FHIT: variants seen among roughly 807,000 people sequenced by gnomAD.
FHIT encodes the protein bis(5'-adenosyl)-triphosphatase.
In FHIT, 19 loss-of-function variants were observed where a neutral mutation model predicts 17.9. The ratio of observed to expected loss-of-function variants is 1.06; its 90% CI spans 0.74 to 1.56. The LOEUF (loss-of-function observed/expected upper bound fraction) is 1.56. FHIT is among the 40% of genes most tolerant of loss of function. The pLI is 0.00. For synonymous variants in FHIT, 81 were observed against 69.7 expected (o/e 1.16, Z -0.81); for missense variants, 248 against 189.2 (o/e 1.31, Z -1.82).
intron 8 of FHIT, among the ~76,000 whole-genome samples, chr3:59,899,764 T>A (rs554139452): frequency 6.6e-5 from 10 of 152,206 alleles, no homozygotes; most frequent in African/African-American, 1.9e-4. Flanking sequence ...GAGAACTGCT[T>A]GAACCCGGGA....
chr3:60,025,922 T>C (rs147215545), intron 5 of FHIT, among the ~76,000 whole-genome samples: 218 of 152,292 alleles, frequency 1.4e-3, no homozygotes, highest in African/African-American at 4.4e-3. Flanking sequence ...AGCAATGAAC[T>C]GTACTGCCAG....
chr3:60,434,366 T>C (rs2107306497), intron 5 of FHIT, among the ~76,000 whole-genome samples: 1 of 152,226 alleles, frequency 6.6e-6, no homozygotes, highest in African/African-American at 2.4e-5. Context: ...TCAGCAGGAA[T>C]AAAAAGTACA....
At chr3:60,326,898 G>A (rs1251480063) in intron 5 of FHIT, among the ~76,000 whole-genome samples, 2 of 152,172 alleles carry the variant, frequency 1.3e-5, no homozygotes, top group Non-Finnish European at 2.9e-5. Flanking sequence ...CATGATCACA[G>A]TAATCGAAAA....
intron 4 of FHIT, among the ~76,000 whole-genome samples, chr3:60,603,034 C>G (rs967506015): frequency 6.6e-6 from 1 of 152,130 alleles, no homozygotes; most frequent in Non-Finnish European, 1.5e-5. Context: ...GCAGCCCAAA[C>G]AGACTAGGAC....
At chr3:60,954,182 C>T (rs1205422335) in intron 3 of FHIT, among the ~76,000 whole-genome samples, 1 of 152,198 alleles carries the variant, frequency 6.6e-6, no homozygotes, top group Non-Finnish European at 1.5e-5. Context: ...GCTAAAATGA[C>T]TCAATCCAGA....
chr3:60,455,754 A>C (rs12629710), intron 5 of FHIT, among the ~76,000 whole-genome samples: 10,099 of 152,138 alleles, frequency 0.066, 793 homozygotes, highest in East Asian at 0.38. Context: ...TCCCTGCTTG[A>C]TTTGTGGTAG....
chr3:60,032,314 T>C (rs1441353471), intron 5 of FHIT, among the ~76,000 whole-genome samples: 1 of 152,010 alleles, frequency 6.6e-6, no homozygotes, highest in Non-Finnish European at 1.5e-5. Flanking sequence ...TAGCTGGGCA[T>C]AGTGGCGTGC....
intron 5 of FHIT, among the ~76,000 whole-genome samples, chr3:60,346,426 G>T (rs979274839): frequency 6.6e-6 from 1 of 152,168 alleles, no homozygotes; most frequent in Non-Finnish European, 1.5e-5. Context: ...AAAGCAGACT[G>T]GAGCCAGATA....
intron 4 of FHIT, among the ~76,000 whole-genome samples, chr3:60,739,288 G>C (rs979277976): frequency 6.6e-6 from 1 of 152,204 alleles, no homozygotes; most frequent in African/African-American, 2.4e-5. Context: ...AAGGCAGAGG[G>C]AGCACTGAGC....
intron 7 of FHIT, among the ~76,000 whole-genome samples, chr3:59,995,432 T>C (rs913193954): frequency 2.6e-5 from 4 of 152,076 alleles, no homozygotes; most frequent in African/African-American, 9.7e-5. Context: ...CAACAACTAA[T>C]TGGAATGAGT....
At chr3:60,507,870 T>C (rs765485990) in intron 5 of FHIT, among the ~76,000 whole-genome samples, 7 of 152,224 alleles carry the variant, frequency 4.6e-5, no homozygotes, top group Non-Finnish European at 1.0e-4. Flanking sequence ...TTTTTATGGC[T>C]GCATAGTATT....
At chr3:60,221,024 C>A (rs1207658859) in intron 5 of FHIT, among the ~76,000 whole-genome samples, 1 of 152,102 alleles carries the variant, frequency 6.6e-6, no homozygotes, top group African/African-American at 2.4e-5. Flanking sequence ...CATGAATTAA[C>A]AATAACACAT....
chr3:60,323,986 C>A (rs1559819717), intron 5 of FHIT, among the ~76,000 whole-genome samples: 1 of 81,714 alleles, frequency 1.2e-5, no homozygotes, highest in Non-Finnish European at 2.4e-5. Context: ...CAAGGTAGGG[C>A]AGTTTTTTTT....
intron 4 of FHIT, among the ~76,000 whole-genome samples, chr3:60,574,901 C>CT (rs1332018340): frequency 3.3e-5 from 5 of 151,738 alleles, no homozygotes; most frequent in Admixed American, 2.0e-4. Context: ...TATCATAGCC[C>CT]TTTGCACACT....
intron 3 of FHIT, among the ~76,000 whole-genome samples, chr3:60,982,450 A>T (rs1710536988): frequency 6.6e-6 from 1 of 152,250 alleles, no homozygotes; most frequent in Non-Finnish European, 1.5e-5. Context: ...CAACGTATAC[A>T]GTGCTAGGAA....
At chr3:61,137,380 T>C (rs1309564932) in intron 2 of FHIT, among the ~76,000 whole-genome samples, 4 of 151,558 alleles carry the variant, frequency 2.6e-5, no homozygotes, top group East Asian at 3.9e-4. Context: ...AACTCAAATA[T>C]TTCCCCTCTG....
chr3:60,055,595 G>A (rs1325400519), intron 5 of FHIT, among the ~76,000 whole-genome samples: 1 of 152,102 alleles, frequency 6.6e-6, no homozygotes, highest in African/African-American at 2.4e-5. Flanking sequence ...AAGAAGAGAG[G>A]AAACCAACAT....
At chr3:60,933,347 T>A (rs1462631607) in intron 3 of FHIT, among the ~76,000 whole-genome samples, 1 of 152,232 alleles carries the variant, frequency 6.6e-6, no homozygotes, top group Non-Finnish European at 1.5e-5. Flanking sequence ...TTTAGTGATA[T>A]ATTTTAGTCC....
chr3:60,102,220 A>T (rs769568505), intron 5 of FHIT, among the ~76,000 whole-genome samples: 2 of 152,228 alleles, frequency 1.3e-5, no homozygotes, highest in African/African-American at 4.8e-5. Context: ...CAACATCTCA[A>T]TCACTACGCT....
Sources: gnomAD v4.1 joint callset for allele counts (sites outside exome capture counted in the v4.1 genomes callset) on GRCh38, gnomAD v4.1.1 for gene constraint, MANE v1.5 for transcripts, NCBI Gene and HGNC (gene_info 2026-07-23, HGNC 2026-07-21) for gene names.